LARGE1: variants seen among roughly 807,000 people sequenced by gnomAD.
The protein encoded by LARGE1 is xylosyl- and glucuronyltransferase LARGE1.
Under a neutral mutation model 87.6 loss-of-function variants are expected in LARGE1, and 43 were observed. The observed-to-expected ratio is 0.49, with a 90% CI of 0.38 to 0.63. The LOEUF (loss-of-function observed/expected upper bound fraction) is 0.63. Ranked by LOEUF, LARGE1 falls within the 30% of genes least tolerant of loss-of-function variation. LARGE1 has a pLI of 0.00. For missense variants in LARGE1, 802 were observed against 1,000.2 expected, an observed-to-expected ratio of 0.80 and a Z score of 2.67; for synonymous variants, 434 against 394.6, an observed-to-expected ratio of 1.10 and a Z score of -1.18.
chr22:33,588,975 T>C lies in LARGE1; in HGVS notation c.615+15460A>G, dbSNP rs1386141976. On this transcript the variant is annotated intron_variant, in intron 5 of 14. Transcript: ENST00000397394. Reference sequence around the variant, plus strand: ...TATCTGGTGTCTGACAGACCTCAAATGCAGAATTTAATTCAAAGTGATTAG... The same window carrying C: ...TATCTGGTGTCTGACAGACCTCAAACGCAGAATTTAATTCAAAGTGATTAG... Among the ~76,000 whole-genome samples the C allele has an allele frequency of 9.2e-5, 14 of 152,198 alleles. No homozygotes were observed. In the South Asian group the frequency reaches 2.3e-3, roughly 25 times the overall value.
At chr22:33,748,827 A>T (rs555125382) in intron 2 of LARGE1, among the ~76,000 whole-genome samples, 1 of 152,314 alleles carries the variant, frequency 6.6e-6, no homozygotes, top group East Asian at 1.9e-4. Context: ...TTATGACCAC[A>T]GCTGCAGTAT....
chr22:33,686,162 T>C (rs1456489577), intron 2 of LARGE1, among the ~76,000 whole-genome samples: 3 of 152,132 alleles, frequency 2.0e-5, no homozygotes, highest in African/African-American at 7.2e-5. Context: ...GATATGTGGG[T>C]TGGGCTCAGG....
intron 6 of LARGE1, among the ~76,000 whole-genome samples, chr22:33,450,544 CA>C (rs1440760355): frequency 1.2e-4 from 18 of 151,842 alleles, no homozygotes; most frequent in African/African-American, 4.4e-4. Context: ...ACCCAGCAGG[CA>C]GAGGCTGCAG....
At chr22:33,608,194 G>C (rs2079320921) in intron 4 of LARGE1, among the ~76,000 whole-genome samples, 1 of 152,222 alleles carries the variant, frequency 6.6e-6, no homozygotes, top group South Asian at 2.1e-4. Context: ...TCATGGTCAA[G>C]TTGCATGTTC....
chr22:33,601,679 G>C (rs2148966402), intron 5 of LARGE1, among the ~76,000 whole-genome samples: 1 of 152,264 alleles, frequency 6.6e-6, no homozygotes, highest in Admixed American at 6.5e-5. Context: ...GTGGTTAATT[G>C]GTAGGGGAAT....
At chr22:33,198,435 C>T (rs1277506012) in intron 11 of LARGE1, among the ~76,000 whole-genome samples, 1 of 151,930 alleles carries the variant, frequency 6.6e-6, no homozygotes, top group African/African-American at 2.4e-5. Flanking sequence ...TTTTTATTTT[C>T]AGATATTTAG....
At chr22:33,721,780 G>C (rs1265635548) in intron 2 of LARGE1, among the ~76,000 whole-genome samples, 2 of 152,218 alleles carry the variant, frequency 1.3e-5, no homozygotes, top group Non-Finnish European at 2.9e-5. Context: ...TCTGGACTGT[G>C]CATCCTGATT....
chr22:33,263,040 G>A (rs1239626076), intron 11 of LARGE1, among the ~76,000 whole-genome samples: 7 of 151,816 alleles, frequency 4.6e-5, no homozygotes, highest in African/African-American at 9.7e-5. Flanking sequence ...TTACAGGCAC[G>A]CACCACCATG....
chr22:33,089,341 T>TCTTCTC, the LARGE1 span, among the ~76,000 whole-genome samples: 1,213 of 86,258 alleles, frequency 0.014, 17 homozygotes, highest in African/African-American at 0.057. Flanking sequence ...TTCTTCTTCT[T>TCTTCTC]CTTCTTCTTC....
At chr22:33,640,498 C>G (rs1453323652) in intron 3 of LARGE1, among the ~76,000 whole-genome samples, 1 of 152,056 alleles carries the variant, frequency 6.6e-6, no homozygotes, top group Non-Finnish European at 1.5e-5. Flanking sequence ...TACCGAAAGT[C>G]AACATGGCAG....
At chr22:33,175,467 C>T (rs1922814167) in intron 11 of LARGE1, among the ~76,000 whole-genome samples, 1 of 152,108 alleles carries the variant, frequency 6.6e-6, no homozygotes, top group South Asian at 2.1e-4. Context: ...TCTCAGGATA[C>T]AAAATCAATG....
chr22:33,075,085 A>G, the LARGE1 span, among the ~76,000 whole-genome samples: 3 of 152,208 alleles, frequency 2.0e-5, no homozygotes, highest in South Asian at 4.2e-4. Flanking sequence ...AGCCTGAACT[A>G]TTAACCATTA....
intron 1 of LARGE1, among the ~76,000 whole-genome samples, chr22:33,905,491 A>G (rs965222201): frequency 2.6e-5 from 4 of 152,230 alleles, no homozygotes; most frequent in Non-Finnish European, 5.9e-5. Context: ...AAACATTAAC[A>G]TTTTAAAATA....
At chr22:33,781,939 G>GTA (rs1569443976) in intron 1 of LARGE1, among the ~76,000 whole-genome samples, 4 of 152,182 alleles carry the variant, frequency 2.6e-5, no homozygotes, top group South Asian at 2.1e-4. Context: ...GTGTGTGTGT[G>GTA]TATATACATA....
chr22:33,845,940 C>T (rs1000262609), intron 1 of LARGE1, among the ~76,000 whole-genome samples: 4 of 152,242 alleles, frequency 2.6e-5, no homozygotes, highest in Admixed American at 2.6e-4. Flanking sequence ...AACATTAATT[C>T]CTTAACTTCA....
At chr22:33,620,051 A>C (rs1482762871) in intron 4 of LARGE1, among the ~76,000 whole-genome samples, 1 of 152,194 alleles carries the variant, frequency 6.6e-6, no homozygotes, top group East Asian at 1.9e-4. Context: ...CCTATGCACA[A>C]CTCAGACAGT....
upstream of LARGE1, among the ~76,000 whole-genome samples, chr22:33,921,053 C>T (rs1391929850): frequency 6.7e-6 from 1 of 148,922 alleles, no homozygotes; most frequent in Non-Finnish European, 1.5e-5. The surrounding 1 kb of genome is among the most constrained non-coding windows in gnomAD (Gnocchi z 4.1). Context: ...GACCGCGAGC[C>T]GGGGCTGGGT....
At chr22:33,082,032 A>C in the LARGE1 span, among the ~76,000 whole-genome samples, 3 of 152,240 alleles carry the variant, frequency 2.0e-5, no homozygotes, top group East Asian at 5.8e-4. Flanking sequence ...TATTATTATT[A>C]TTATTAGGTG....
chr22:33,363,891 G>C (rs2064478728), intron 9 of LARGE1, among the ~76,000 whole-genome samples: 1 of 149,072 alleles, frequency 6.7e-6, no homozygotes, highest in African/African-American at 2.5e-5. Context: ...GCTGGATGAA[G>C]GGATGATTCA....
Sources: gnomAD v4.1 joint callset for allele counts (sites outside exome capture counted in the v4.1 genomes callset) on GRCh38, gnomAD v4.1.1 for gene constraint, Gnocchi (gnomAD v3.1) non-coding constraint, MANE v1.5 for transcripts, NCBI Gene and HGNC (gene_info 2026-07-23, HGNC 2026-07-21) for gene names.